RIMS1: variants seen among roughly 807,000 people sequenced by gnomAD.
The protein encoded by RIMS1 is regulating synaptic membrane exocytosis protein 1.
A neutral mutation model predicts 214.1 loss-of-function variants in RIMS1; 83 were observed. The ratio of observed to expected loss-of-function variants is 0.39; its 90% confidence interval spans 0.32 to 0.47. The LOEUF (loss-of-function observed/expected upper bound fraction) is 0.47. RIMS1 is among the 20% of genes least tolerant of loss of function. The pLI, the probability that RIMS1 is intolerant of heterozygous loss-of-function variation, is 0.99. For missense variants in RIMS1, 2,050 were observed against 2,161.8 expected (o/e 0.95, Z 1.03); for synonymous variants, 793 against 786.8 (o/e 1.01, Z -0.13).
At chr6:72,001,129 C>T (rs966662985) in intron 2 of RIMS1, among the ~76,000 whole-genome samples, 9 of 152,090 alleles carry the variant, frequency 5.9e-5, no homozygotes, top group African/African-American at 1.7e-4. Flanking sequence ...TCAGAATTAC[C>T]TAAAGGAGGA....
At chr6:72,286,137 C>A (rs371267668) in intron 24 of RIMS1, among the ~76,000 whole-genome samples, 1 of 150,796 alleles carries the variant, frequency 6.6e-6, no homozygotes, top group African/African-American at 2.4e-5. Context: ...GTGGAGGTTG[C>A]GGTGAGCCGA....
intron 2 of RIMS1, among the ~76,000 whole-genome samples, chr6:72,070,862 G>A (rs1167928771): frequency 2.0e-5 from 3 of 152,118 alleles, no homozygotes; most frequent in Admixed American, 1.3e-4. Context: ...ACCATAGTTT[G>A]GCCTGTAGAC....
At chr6:72,242,895 TA>T (rs1157804024) in intron 10 of RIMS1, among the ~76,000 whole-genome samples, 1 of 151,824 alleles carries the variant, frequency 6.6e-6, no homozygotes, top group African/African-American at 2.4e-5. Context: ...TAACCATGAG[TA>T]ATTTCAACTT....
chr6:72,125,564 TTTG>T (rs1193679559), intron 4 of RIMS1, among the ~76,000 whole-genome samples: 1 of 152,208 alleles, frequency 6.6e-6, no homozygotes, highest in African/African-American at 2.4e-5. Context: ...TCTACTACCT[TTTG>T]TTCAGCTATA....
At chr6:72,119,258 G>A (rs2037721333) in intron 4 of RIMS1, among the ~76,000 whole-genome samples, 1 of 150,836 alleles carries the variant, frequency 6.6e-6, no homozygotes, top group Non-Finnish European at 1.5e-5. Context: ...ACTTAACCAA[G>A]CAGGTAAAAG....
chr6:72,220,658 TAAAC>T (rs2058082904), intron 6 of RIMS1, among the ~76,000 whole-genome samples: 1 of 152,086 alleles, frequency 6.6e-6, no homozygotes, highest in Non-Finnish European at 1.5e-5. Context: ...TTTTATATCA[TAAAC>T]AAATACACCC....
At chr6:72,114,557 C>T (rs996008619) in intron 4 of RIMS1, among the ~76,000 whole-genome samples, 1 of 151,606 alleles carries the variant, frequency 6.6e-6, no homozygotes, top group Non-Finnish European at 1.5e-5. Context: ...TTGTTAATTC[C>T]TTCACTTTGC....
intron 6 of RIMS1, among the ~76,000 whole-genome samples, chr6:72,209,015 G>T (rs2053382791): frequency 6.6e-6 from 1 of 152,140 alleles, no homozygotes; most frequent in African/African-American, 2.4e-5. Context: ...ATACAGACCA[G>T]TTCTCATTGA....
At chr6:72,159,566 G>A (rs376214317) in intron 4 of RIMS1, among the ~76,000 whole-genome samples, 1 of 140,418 alleles carries the variant, frequency 7.1e-6, no homozygotes, top group Admixed American at 7.3e-5. Flanking sequence ...TAATTTTTGT[G>A]TAAGGTGTAA....
intron 6 of RIMS1, among the ~76,000 whole-genome samples, chr6:72,188,388 A>G (rs186873858): frequency 3.3e-5 from 5 of 152,368 alleles, no homozygotes; most frequent in Admixed American, 3.3e-4. Flanking sequence ...GAAAGTACCA[A>G]TCCCCAACCC....
chr6:72,293,376 A>G (rs1480779774), intron 26 of RIMS1, among the ~76,000 whole-genome samples: 3 of 151,960 alleles, frequency 2.0e-5, no homozygotes, highest in African/African-American at 4.8e-5. Flanking sequence ...CTCTCTGGGA[A>G]CATTTTAAAA....
At chr6:72,239,024 GTTATTTC>G (rs1279210297) in intron 9 of RIMS1, among the ~76,000 whole-genome samples, 1 of 151,948 alleles carries the variant, frequency 6.6e-6, no homozygotes, top group African/African-American at 2.4e-5. Context: ...ATGTTACACT[GTTATTTC>G]TTATGAAGGA....
At chr6:72,367,737 T>C (rs990896548) in intron 29 of RIMS1, among the ~76,000 whole-genome samples, 4 of 152,162 alleles carry the variant, frequency 2.6e-5, no homozygotes, top group African/African-American at 9.7e-5. Context: ...ACTAAACATA[T>C]AATCTGTGCA....
At chr6:72,227,322 A>G in intron 6 of RIMS1, among the ~76,000 whole-genome samples, 1 of 151,950 alleles carries the variant, frequency 6.6e-6, no homozygotes, top group East Asian at 1.9e-4. Flanking sequence ...TTTAGTATAC[A>G]TTTTTATACT....
rs1480498543 is a variant in RIMS1 at position 72,400,914 on chromosome 6, A to G, written c.*200A>G. 1.8e-6 allele frequency: 1 copy of G among 541,816 alleles called. No individual in the cohort carries two copies. The highest frequency in any genetic ancestry group is 1.9e-5 in the African/African-American group (1 of 53,060). 33.6% of individuals were successfully genotyped at this position (541,816 alleles called of 1,614,324 possible). On this transcript the variant is annotated 3_prime_UTR_variant, in exon 34 of 34. Coordinates refer to ENST00000521978, the MANE Select transcript of RIMS1 (RefSeq NM_014989.7). ...GAACAAGGCAATCTATCAAATTTACAGGAAGAATCAACATGCTGGTGAGAG... is the reference window on the plus strand; with the variant it reads ...GAACAAGGCAATCTATCAAATTTACGGGAAGAATCAACATGCTGGTGAGAG...
chr6:72,075,184 C>T (rs1207217299), intron 2 of RIMS1, among the ~76,000 whole-genome samples: 5 of 152,090 alleles, frequency 3.3e-5, no homozygotes, highest in South Asian at 2.1e-4. Flanking sequence ...TGGGCTCAAG[C>T]ACTCTTCCCA....
chr6:72,018,211 AG>A (rs1813388967), intron 2 of RIMS1, among the ~76,000 whole-genome samples: 1 of 152,194 alleles, frequency 6.6e-6, no homozygotes, highest in Non-Finnish European at 1.5e-5. Flanking sequence ...CTAGGTTTTA[AG>A]TATTAGTTGA....
intron 29 of RIMS1, among the ~76,000 whole-genome samples, chr6:72,351,678 C>A (rs2097452572): frequency 6.6e-6 from 1 of 152,270 alleles, no homozygotes; most frequent in African/African-American, 2.4e-5. Context: ...CAGTCCTTAA[C>A]CACTACACCA....
At chr6:72,224,940 T>A (rs2059732851) in intron 6 of RIMS1, among the ~76,000 whole-genome samples, 1 of 152,164 alleles carries the variant, frequency 6.6e-6, no homozygotes, top group Non-Finnish European at 1.5e-5. Context: ...TATCTAGAAG[T>A]TTTCTCAACA....
Sources: allele counts gnomAD v4.1 joint callset (sites outside exome capture counted in the v4.1 genomes callset), GRCh38; gene constraint gnomAD v4.1.1; transcripts MANE v1.5; gene names NCBI Gene and HGNC (gene_info 2026-07-23, HGNC 2026-07-21).